Variants in THSD7B observed in about 807,000 individuals in gnomAD.
THSD7B encodes thrombospondin type 1 domain containing 7B.
Under a neutral mutation model 213.6 loss-of-function variants are expected in THSD7B, and 138 were observed. That is an observed-to-expected ratio of 0.65 (90% confidence interval 0.56 to 0.74). THSD7B has a LOEUF of 0.74. THSD7B is among the 30% of genes least tolerant of loss of function. The probability of loss-of-function intolerance (pLI) is 0.00; values close to 1 mark genes in which losing one functional copy is unlikely to be tolerated. For missense variants in THSD7B, 1,931 were observed against 1,991.5 expected (o/e 0.97, Z 0.58); for synonymous variants, 742 against 687.0 (o/e 1.08, Z -1.25).
chr2:137,136,558 T>C (rs1260992944), intron 5 of THSD7B, among the ~76,000 whole-genome samples: 2 of 151,982 alleles, frequency 1.3e-5, no homozygotes, highest in Non-Finnish European at 2.9e-5. Flanking sequence ...GAGACATGAA[T>C]GGGCACAGTC....
intron 2 of THSD7B, among the ~76,000 whole-genome samples, chr2:136,993,031 G>T (rs567203722): frequency 2.0e-5 from 3 of 152,088 alleles, no homozygotes; most frequent in African/African-American, 7.2e-5. Flanking sequence ...TCATGCTCTC[G>T]CACTGGAGCA....
At chr2:137,016,834 C>T (rs1686351262) in intron 2 of THSD7B, among the ~76,000 whole-genome samples, 1 of 152,166 alleles carries the variant, frequency 6.6e-6, no homozygotes. Context: ...AATGTAAATA[C>T]TTTTGCAAGT....
chr2:137,142,935 A>G (rs1187567949), intron 5 of THSD7B, among the ~76,000 whole-genome samples: 1 of 152,152 alleles, frequency 6.6e-6, no homozygotes, highest in Non-Finnish European at 1.5e-5. Context: ...TTCCTCCCTC[A>G]ATCTATTCAT....
intron 12 of THSD7B, among the ~76,000 whole-genome samples, chr2:137,343,763 T>G (rs529572301): frequency 6.6e-6 from 1 of 151,922 alleles, no homozygotes; most frequent in East Asian, 1.9e-4. Context: ...TTTCCATATG[T>G]AGGCTGAGAA....
At chr2:137,580,774 A>C (rs989333769) in intron 17 of THSD7B, among the ~76,000 whole-genome samples, 2 of 152,164 alleles carry the variant, frequency 1.3e-5, no homozygotes, top group African/African-American at 2.4e-5. Flanking sequence ...AAGTGAGAGC[A>C]GGCAGGTCAC....
intron 14 of THSD7B, among the ~76,000 whole-genome samples, chr2:137,438,501 C>A (rs190491349): frequency 2.6e-5 from 4 of 151,930 alleles, no homozygotes; most frequent in East Asian, 1.9e-4. Context: ...CTGCTTGTTG[C>A]GGTGTGAAAG....
chr2:137,535,680 T>C (rs1558830579), intron 15 of THSD7B, among the ~76,000 whole-genome samples: 2 of 151,666 alleles, frequency 1.3e-5, no homozygotes, highest in South Asian at 2.1e-4. Context: ...TTTAATGAAG[T>C]ATATATTCAA....
intron 12 of THSD7B, among the ~76,000 whole-genome samples, chr2:137,308,946 G>A (rs1353217546): frequency 6.6e-6 from 1 of 151,978 alleles, no homozygotes; most frequent in Non-Finnish European, 1.5e-5. Flanking sequence ...ATATGACATT[G>A]TTTTTGTATT....
rs56719114 is a variant in THSD7B at position 136,802,639 on chromosome 2, T to TTATATATATATATATA, written c.-36+36980_-36+36995dup. Among the ~76,000 whole-genome samples the TTATATATATATATATA allele has an allele frequency of 1.3e-3, 76 of 57,356 alleles. 2 individuals are homozygous for TTATATATATATATATA. Among genetic ancestry groups the TTATATATATATATATA allele is most frequent in the East Asian group, 2.1e-3 (3 of 1,416 alleles). 37.6% of individuals were successfully genotyped at this position (57,356 alleles called of 152,430 possible). On this transcript the variant is annotated intron_variant, in intron 1 of 27. Coordinates refer to ENST00000409968, the MANE Select transcript of THSD7B (RefSeq NM_001316349.2). ...TTTAAAAATAATTTATGAATTAAGT[T>TTATATATATATATATA]TATATATATATATATATATATATAT...
In THSD7B at chr2:136,794,438, AT is replaced by A. The variant is rs1001193787; in HGVS notation, c.-36+28759del. On this transcript the variant is annotated intron_variant, in intron 1 of 27. Coordinates refer to ENST00000409968, the MANE Select transcript of THSD7B (RefSeq NM_001316349.2). ...TTCACTTCAAACATTTTGTAATTTC[AT>A]TTTTTTTCCTATTTTCTTATTTAGA... is the stretch of plus-strand genomic sequence containing the variant. 1.5e-3 allele frequency among the ~76,000 whole-genome samples: 232 copies of A among 151,320 alleles called. 3 individuals are homozygous for A. Among genetic ancestry groups the A allele is most frequent in the Non-Finnish European group, 1.6e-3 (110 of 67,718 alleles).
At chr2:137,327,253 G>A (rs991779420) in intron 12 of THSD7B, among the ~76,000 whole-genome samples, 5 of 152,178 alleles carry the variant, frequency 3.3e-5, no homozygotes, top group Non-Finnish European at 7.4e-5. Context: ...GAGACATTCT[G>A]TGACATCTGC....
intron 8 of THSD7B, 144 bp downstream of exon 8, chr2:137,231,379 A>G (rs1681636549): frequency 1.1e-6 from 1 of 895,240 alleles, no homozygotes. Context: ...TAACAGTTTC[A>G]TTTCCCTCCA....
intron 15 of THSD7B, among the ~76,000 whole-genome samples, chr2:137,531,152 A>G (rs1680389681): frequency 6.6e-6 from 1 of 152,002 alleles, no homozygotes; most frequent in Non-Finnish European, 1.5e-5. Context: ...ATTGTATTCT[A>G]AAGCAGTAAA....
rs186730400 is a variant in THSD7B, at chr2:136,950,867, G to A, written c.139+68550G>A. On this transcript the variant is annotated intron_variant, in intron 2 of 27. Coordinates refer to ENST00000409968, the MANE Select transcript of THSD7B (RefSeq NM_001316349.2). ...TGCGTGGCATTCTCTTGATGTGGAA[G>A]AAAGGACCAAATCAATAACTCCGTC... Among the ~76,000 whole-genome samples, 6 of 152,310 alleles carry A rather than the reference G, an allele frequency of 3.9e-5. No homozygotes were observed. The East Asian group carries it at 1.2e-3, about 29-fold the overall frequency.
At chr2:137,109,246 A>G (rs1688305830) in intron 4 of THSD7B, among the ~76,000 whole-genome samples, 1 of 152,124 alleles carries the variant, frequency 6.6e-6, no homozygotes, top group Non-Finnish European at 1.5e-5. Flanking sequence ...AAATCACATC[A>G]TCATGTTACC....
At chr2:137,590,009 T>C (rs1475332296) in intron 17 of THSD7B, among the ~76,000 whole-genome samples, 1 of 140,340 alleles carries the variant, frequency 7.1e-6, no homozygotes, top group East Asian at 2.0e-4. Context: ...AGTGAAATTA[T>C]TGACTTTTAA....
chr2:137,295,054 T>C (rs7575642), intron 12 of THSD7B, among the ~76,000 whole-genome samples: 7,719 of 152,158 alleles, frequency 0.051, 471 homozygotes, highest in African/African-American at 0.14. Flanking sequence ...TTTTTTCTCC[T>C]TCCTCTCCCC....
rs1225587536 is a variant in THSD7B at position 137,572,473 on chromosome 2, C to A, written c.3340C>A (p.Pro1114Thr). The A allele has an allele frequency of 6.2e-7, 1 of 1,613,874 alleles. No homozygotes were observed. Among genetic ancestry groups the A allele is most frequent in the South Asian group, 1.1e-5 (1 of 91,072 alleles). Residue 1114 changes from proline (P) to threonine (T), a missense_variant, in exon 17 of 28, where the codon CCC becomes ACC. Coordinates refer to ENST00000409968, the MANE Select transcript of THSD7B (RefSeq NM_001316349.2). Reference sequence around the variant, plus strand: ...CAACCTGTGCAACCAGGATGAAATTCCCCCAGAAACCCAGTCCTGTTCTCT... The same window carrying A: ...CAACCTGTGCAACCAGGATGAAATTACCCCAGAAACCCAGTCCTGTTCTCT... Reference protein sequence around the residue: ...DSNLCNQDEIPPETQSCSLMC... With the variant: ...DSNLCNQDEITPETQSCSLMC...
At chr2:137,546,444 T>TATATATAA (rs1491149455) in intron 15 of THSD7B, among the ~76,000 whole-genome samples, 1 of 28,392 alleles carries the variant, frequency 3.5e-5, no homozygotes, top group Non-Finnish European at 5.7e-5. Context: ...ATTATATATA[T>TATATATAA]TATATATATA....
Sources: gnomAD v4.1 joint callset for allele counts (sites outside exome capture counted in the v4.1 genomes callset) on GRCh38, gnomAD v4.1.1 for gene constraint, MANE v1.5 for transcripts, NCBI Gene and HGNC (gene_info 2026-07-23, HGNC 2026-07-21) for gene names.